The following CERKL variants were observed in gnomAD, a reference collection of about 807,000 sequenced individuals.
CERKL encodes the protein ceramide kinase-like protein.
CERKL carries 61 observed loss-of-function variants against 63.4 expected under a neutral mutation model. That is an observed-to-expected ratio of 0.96 (90% CI 0.78 to 1.19). The LOEUF (loss-of-function observed/expected upper bound fraction) is 1.19. Ranked by LOEUF, CERKL falls within the 50% of genes most tolerant of loss-of-function variation. The pLI is 0.00. For synonymous variants in CERKL, 250 were observed against 230.5 expected, an observed-to-expected ratio of 1.08 and a Z score of -0.77; for missense variants, 675 against 655.5, an observed-to-expected ratio of 1.03 and a Z score of -0.33.
chr2:181,548,612 G>A lies in CERKL; in HGVS notation c.1074-8C>T, dbSNP rs1559071883. 3 of 1,612,670 alleles carry A rather than the reference G, an allele frequency of 1.9e-6. No individual in the cohort carries two copies. The highest frequency in any genetic ancestry group is 2.2e-5 in the East Asian group (1 of 44,788). On this transcript the variant is annotated splice_polypyrimidine_tract_variant and splice_region_variant and intron_variant, in intron 7 of 12. Coordinates refer to ENST00000410087, the MANE Select transcript of CERKL (RefSeq NM_201548.5). ...ATTTCACAGTCTTCTGCCCTAAAAT[G>A]TAATGAAATTTGTTATTAACAGTCA...
At chr2:181,561,208 A>G (rs2105824742) in intron 4 of CERKL, among the ~76,000 whole-genome samples, 1 of 152,234 alleles carries the variant, frequency 6.6e-6, no homozygotes, top group South Asian at 2.1e-4. Flanking sequence ...CAGGAGTTCA[A>G]GATCATCCTG....
chr2:181,594,593 G>A (rs545264253), intron 2 of CERKL, among the ~76,000 whole-genome samples: 1 of 152,212 alleles, frequency 6.6e-6, no homozygotes, highest in South Asian at 2.1e-4. Flanking sequence ...CACAGGCTTC[G>A]CCTTTGCCTA....
chr2:181,618,421 T>A (rs1295901190), intron 1 of CERKL, among the ~76,000 whole-genome samples: 1 of 151,990 alleles, frequency 6.6e-6, no homozygotes, highest in Non-Finnish European at 1.5e-5. Context: ...TATTTTTATT[T>A]TTTTTATTTT....
chr2:181,589,474 C>G (rs1167813004), intron 2 of CERKL, among the ~76,000 whole-genome samples: 1 of 152,148 alleles, frequency 6.6e-6, no homozygotes, highest in African/African-American at 2.4e-5. Context: ...CGTCATGAAG[C>G]TTTACGCCTA....
chr2:181,547,359 T>C (rs1223743325), intron 10 of CERKL, among the ~76,000 whole-genome samples: 2 of 152,202 alleles, frequency 1.3e-5, no homozygotes, highest in Admixed American at 6.5e-5. Context: ...TCAAGTAAAG[T>C]AGGCATAAAA....
At chr2:181,541,207 G>A (rs1323216777) in intron 11 of CERKL, among the ~76,000 whole-genome samples, 1 of 152,124 alleles carries the variant, frequency 6.6e-6, no homozygotes, top group Non-Finnish European at 1.5e-5. Context: ...AGGAAATTTG[G>A]ACATAGGAAA....
intron 1 of CERKL, among the ~76,000 whole-genome samples, chr2:181,640,517 T>A (rs1574058378): frequency 1.3e-5 from 2 of 152,180 alleles, no homozygotes; most frequent in South Asian, 4.1e-4. Flanking sequence ...GCAGGCTAGG[T>A]GGGATAACAA....
chr2:181,542,780 C>A (rs1170646371), intron 11 of CERKL, among the ~76,000 whole-genome samples: 1 of 152,100 alleles, frequency 6.6e-6, no homozygotes, highest in Non-Finnish European at 1.5e-5. Flanking sequence ...ATAAATCCTG[C>A]ATAATATTAT....
At chr2:181,642,504 G>C (rs369550024) in intron 1 of CERKL, among the ~76,000 whole-genome samples, 67 of 152,154 alleles carry the variant, frequency 4.4e-4, no homozygotes, top group African/African-American at 1.5e-3. Context: ...TAAACTTAAA[G>C]CTCAAGAAAA....
intron 2 of CERKL, among the ~76,000 whole-genome samples, chr2:181,585,867 GT>G (rs1684741263): frequency 6.6e-6 from 1 of 152,170 alleles, no homozygotes; most frequent in South Asian, 2.1e-4. Context: ...TATGACACTA[GT>G]TTGTTTTGAA....
chr2:181,542,659 A>ATT (rs1559068891), intron 11 of CERKL, among the ~76,000 whole-genome samples: 1 of 151,982 alleles, frequency 6.6e-6, no homozygotes. Context: ...ATGGATTTTA[A>ATT]TTTTTGAAAG....
In CERKL at chr2:181,547,660, C is replaced by A. The variant is rs778776805; in HGVS notation, c.1226G>T (p.Cys409Phe). ...GCCTCTAGGTGCCACTGAACACAGG[C>A]AAGGAATTGCCATAATGCTGACATT... ...FLNVSIMAIP[C>F]LCSVAPRGLA... Residue 409 changes from cysteine (C) to phenylalanine (F), a missense_variant, in exon 10 of 13, where the codon TGC (cysteine) becomes TTC (phenylalanine). Physicochemically the swap from Cys to Phe is radical, Grantham distance 205. Coordinates refer to ENST00000410087, the MANE Select transcript of CERKL (RefSeq NM_201548.5). The A allele has an allele frequency of 1.4e-5, 22 of 1,614,042 alleles. No homozygotes were observed. The South Asian group carries it at 2.2e-4, about 16-fold the overall frequency.
At chr2:181,575,083 G>C (rs1689071496) in intron 2 of CERKL, among the ~76,000 whole-genome samples, 1 of 152,148 alleles carries the variant, frequency 6.6e-6, no homozygotes, top group Non-Finnish European at 1.5e-5. Context: ...TGAGTGCTCA[G>C]ATTCATAAGA....
rs541433289 is a variant in CERKL, at chr2:181,609,085, T to G, written c.239-5006A>C. Among the ~76,000 whole-genome samples, 41 of 152,302 alleles carry G rather than the reference T, an allele frequency of 2.7e-4. 1 individual carries two copies. In the East Asian group the frequency reaches 7.7e-3, roughly 29 times the overall value. On this transcript the variant is annotated intron_variant, in intron 1 of 12. Coordinates refer to ENST00000410087, the MANE Select transcript of CERKL (RefSeq NM_201548.5). ...ACAACAAGTTCCAAGATTACATATT[T>G]TCCATGCCAGTATTCTCTTTATTTT...
intron 2 of CERKL, among the ~76,000 whole-genome samples, chr2:181,593,323 T>C (rs938480316): frequency 9.2e-5 from 14 of 152,144 alleles, no homozygotes; most frequent in Admixed American, 8.5e-4. Flanking sequence ...CCTTCCCACA[T>C]ATCTGGTGGG....
chr2:181,552,056 G>A (rs1688009675), intron 5 of CERKL, among the ~76,000 whole-genome samples: 4 of 152,078 alleles, frequency 2.6e-5, no homozygotes, highest in Non-Finnish European at 1.5e-5. Flanking sequence ...AAATAAGACA[G>A]GCACAGAAAG....
At chr2:181,618,932 C>T (rs569483289) in intron 1 of CERKL, among the ~76,000 whole-genome samples, 30 of 152,156 alleles carry the variant, frequency 2.0e-4, no homozygotes, top group Admixed American at 9.2e-4. Context: ...ATGATTTATG[C>T]ATTGCATCTT....
At chr2:181,587,804 T>G in intron 2 of CERKL, among the ~76,000 whole-genome samples, 1 of 152,124 alleles carries the variant, frequency 6.6e-6, no homozygotes, top group East Asian at 1.9e-4. Flanking sequence ...AAAAGCTTTT[T>G]CAAAGTATCC....
intron 8 of CERKL, 21 bp from the exon 9 acceptor site, chr2:181,547,868 C>T: frequency 6.2e-7 from 1 of 1,612,934 alleles, no homozygotes; most frequent in Non-Finnish European, 8.5e-7. Flanking sequence ...GAAAACAAAA[C>T]AAAGACATAA....
Sources: allele counts gnomAD v4.1 joint callset (sites outside exome capture counted in the v4.1 genomes callset), GRCh38; gene constraint gnomAD v4.1.1; transcripts MANE v1.5; gene names NCBI Gene and HGNC (gene_info 2026-07-23, HGNC 2026-07-21).